Variants in GLRB observed in about 807,000 individuals in gnomAD.
The protein encoded by GLRB is glycine receptor subunit beta.
A neutral mutation model predicts 54.2 loss-of-function variants in GLRB; 33 were observed. The observed-to-expected ratio is 0.61, with a 90% CI of 0.46 to 0.81. The LOEUF (loss-of-function observed/expected upper bound fraction) is 0.81. Ranked by LOEUF, GLRB falls within the 40% of genes least tolerant of loss-of-function variation. The pLI is 0.00. For missense variants in GLRB, 572 were observed against 584.6 expected, an observed-to-expected ratio of 0.98 and a Z score of 0.22; for synonymous variants, 209 against 208.2, an observed-to-expected ratio of 1.00 and a Z score of -0.03.
At chr4:157,095,419 G>A (rs1377997657) in intron 2 of GLRB, among the ~76,000 whole-genome samples, 5 of 152,080 alleles carry the variant, frequency 3.3e-5, no homozygotes, top group African/African-American at 1.2e-4. Flanking sequence ...TTAAGTTTGA[G>A]GTATCCATTA....
intron 2 of GLRB, among the ~76,000 whole-genome samples, chr4:157,103,914 A>G (rs1249592408): frequency 6.6e-6 from 1 of 151,524 alleles, no homozygotes; most frequent in Admixed American, 6.6e-5. Context: ...AAATTTGTTT[A>G]TCAGTTTTAA....
chr4:157,098,468 T>C (rs1734893854), intron 2 of GLRB, among the ~76,000 whole-genome samples: 1 of 152,240 alleles, frequency 6.6e-6, no homozygotes, highest in East Asian at 1.9e-4. Context: ...AGGAACCAGC[T>C]GCTGGGGAGT....
chr4:157,128,588 C>T (rs114861734), intron 4 of GLRB, among the ~76,000 whole-genome samples: 2,975 of 151,904 alleles, frequency 0.02, 76 homozygotes, highest in African/African-American at 0.066. Flanking sequence ...GGTCTCTATT[C>T]TTTATGGGGT....
At chr4:157,105,362 T>C (rs975997687) in intron 2 of GLRB, among the ~76,000 whole-genome samples, 4 of 152,096 alleles carry the variant, frequency 2.6e-5, no homozygotes, top group Non-Finnish European at 5.9e-5. Context: ...TCCAGTTTCA[T>C]TCCATTGTGT....
chr4:157,151,384 A>G (rs1737017159), intron 8 of GLRB, among the ~76,000 whole-genome samples: 1 of 152,050 alleles, frequency 6.6e-6, no homozygotes, highest in South Asian at 2.1e-4. Context: ...ACTTTTGACC[A>G]CAGTTTGATT....
intron 2 of GLRB, among the ~76,000 whole-genome samples, chr4:157,089,388 G>T (rs1447706608): frequency 6.6e-6 from 1 of 152,170 alleles, no homozygotes; most frequent in South Asian, 2.1e-4. Context: ...CTGGGCGACA[G>T]AGGGAGACCC....
At chr4:157,086,573 T>G (rs935061222) in intron 2 of GLRB, among the ~76,000 whole-genome samples, 2 of 152,228 alleles carry the variant, frequency 1.3e-5, no homozygotes, top group African/African-American at 2.4e-5. Flanking sequence ...CTATTGTGCA[T>G]TATTTTCTCT....
chr4:157,089,594 T>TGACTACAGC (rs1160043241), intron 2 of GLRB, among the ~76,000 whole-genome samples: 1 of 152,190 alleles, frequency 6.6e-6, no homozygotes, highest in Non-Finnish European at 1.5e-5. Context: ...GCCACCTCTC[T>TGACTACAGC]GACTACAGCT....
intron 4 of GLRB, among the ~76,000 whole-genome samples, chr4:157,124,155 C>T (rs1397076951): frequency 6.6e-6 from 1 of 151,528 alleles, no homozygotes; most frequent in Non-Finnish European, 1.5e-5. Flanking sequence ...TTTCTAATAT[C>T]CTCTCACTCA....
At chr4:157,080,040 T>C (rs1447680805) in intron 2 of GLRB, among the ~76,000 whole-genome samples, 2 of 152,136 alleles carry the variant, frequency 1.3e-5, no homozygotes, top group Admixed American at 6.5e-5. Context: ...CAGCAAATCT[T>C]ATAACTACCA....
At chr4:157,115,203 C>T (rs948098740) in intron 2 of GLRB, among the ~76,000 whole-genome samples, 47 of 149,256 alleles carry the variant, frequency 3.1e-4, no homozygotes, top group African/African-American at 1.2e-3. Context: ...ATTGGGAACC[C>T]TCTCAGTTTG....
At chr4:157,099,458 T>C (rs1173469399) in intron 2 of GLRB, among the ~76,000 whole-genome samples, 1 of 151,864 alleles carries the variant, frequency 6.6e-6, no homozygotes, top group Non-Finnish European at 1.5e-5. Flanking sequence ...TGCCTCAGCC[T>C]CACGAGTAGC....
In GLRB at chr4:157,171,801, T is replaced by C. The variant is rs1285255210; in HGVS notation, c.*1073T>C. ...TAGCTTTGTTTGTGTTAGACTTCAC[T>C]TCTACTTGTATTTTCTTTCTTGTTA... On this transcript the variant is annotated 3_prime_UTR_variant, in exon 10 of 10. Coordinates refer to ENST00000264428, the MANE Select transcript of GLRB (RefSeq NM_000824.5). The C allele has an allele frequency of 6.6e-6, 1 of 151,914 alleles. No individual in the cohort carries two copies. Among genetic ancestry groups the C allele is most frequent in the Non-Finnish European group, 1.5e-5 (1 of 67,796 alleles). 9.4% of individuals were successfully genotyped at this position (151,914 alleles called of 1,614,324 possible). A position where few individuals can be genotyped will look rare whatever the true frequency, so the allele number is the denominator to read the frequency against.
chr4:157,088,621 G>A (rs781137110), intron 2 of GLRB, among the ~76,000 whole-genome samples: 10 of 151,920 alleles, frequency 6.6e-5, no homozygotes, highest in African/African-American at 1.7e-4. Context: ...GAATCCCCTC[G>A]GTCTTTCTTG....
chr4:157,144,738 G>T (rs548156648), intron 8 of GLRB, among the ~76,000 whole-genome samples: 1 of 152,316 alleles, frequency 6.6e-6, no homozygotes, highest in Non-Finnish European at 1.5e-5. Context: ...CCTCCTCAGT[G>T]AGTATGTAGT....
At chr4:157,085,305 A>C (rs138709168) in intron 2 of GLRB, among the ~76,000 whole-genome samples, 1 of 151,928 alleles carries the variant, frequency 6.6e-6, no homozygotes, top group African/African-American at 2.4e-5. Context: ...TGGTGTTGTG[A>C]TCATAGCTAA....
At chr4:157,142,348 T>C (rs1038518000) in intron 7 of GLRB, among the ~76,000 whole-genome samples, 3 of 152,158 alleles carry the variant, frequency 2.0e-5, no homozygotes, top group Non-Finnish European at 4.4e-5. Flanking sequence ...TTGCATTTCT[T>C]GTCTTTAATA....
intron 2 of GLRB, among the ~76,000 whole-genome samples, chr4:157,112,032 T>C (rs1010259619): frequency 2.0e-5 from 3 of 152,086 alleles, no homozygotes; most frequent in Middle Eastern, 6.8e-3. Flanking sequence ...TCTTTTCCTA[T>C]CTGCTTATTA....
chr4:157,087,157 CA>C (rs1734440938), intron 2 of GLRB, among the ~76,000 whole-genome samples: 1 of 152,116 alleles, frequency 6.6e-6, no homozygotes, highest in Admixed American at 6.5e-5. Flanking sequence ...ATGATATAGA[CA>C]AATCCTAAAT....
Sources: gnomAD v4.1 joint callset for allele counts (sites outside exome capture counted in the v4.1 genomes callset) on GRCh38, gnomAD v4.1.1 for gene constraint, MANE v1.5 for transcripts, NCBI Gene and HGNC (gene_info 2026-07-23, HGNC 2026-07-21) for gene names.